Variants in MICALL2 observed in about 807,000 individuals in gnomAD.
MICALL2 encodes the protein MICAL like 2.
In MICALL2, 111 loss-of-function variants were observed where a neutral mutation model predicts 91.1. The ratio of observed to expected loss-of-function variants is 1.22; its 90% CI spans 1.04 to 1.43. The LOEUF is 1.43. Ranked by LOEUF, MICALL2 falls within the 40% of genes most tolerant of loss-of-function variation. The pLI, the probability that MICALL2 is intolerant of heterozygous loss-of-function variation, is 0.00. For missense variants in MICALL2, 1,556 were observed against 1,236.0 expected, an observed-to-expected ratio of 1.26 and a Z score of -3.88; for synonymous variants, 694 against 525.3, an observed-to-expected ratio of 1.32 and a Z score of -4.39.
At chr7:1,438,551 G>T (rs983463888) in intron 10 of MICALL2, 198 bp from the exon 11 acceptor site, 1 of 1,428,018 alleles carries the variant, frequency 7.0e-7, no homozygotes, top group East Asian at 2.5e-5. Context: ...GCCCCACCCT[G>T]CACCCTGCCC....
chr7:1,434,372 G>A lies in MICALL2; in HGVS notation c.*224C>T, dbSNP rs1003451414. The A allele has an allele frequency of 1.8e-5, 12 of 664,174 alleles. No individual in the cohort carries two copies. Among genetic ancestry groups the A allele is most frequent in the South Asian group, 7.6e-5 (5 of 66,022 alleles). 41.1% of individuals were successfully genotyped at this position (664,174 alleles called of 1,614,324 possible). A position where few individuals can be genotyped will look rare whatever the true frequency, so the allele number is the denominator to read the frequency against. On this transcript the variant is annotated 3_prime_UTR_variant, in exon 17 of 17. Transcript: ENST00000297508. ...GGCACGTAGGAGTCCGGGGCCATGT[G>A]GTCGGTTTCTTTATTGAGACCACAG...
intron 6 of MICALL2, among the ~76,000 whole-genome samples, chr7:1,442,984 T>C (rs899836616): frequency 3.9e-5 from 6 of 152,028 alleles, no homozygotes; most frequent in Admixed American, 3.3e-4. Context: ...CCTCCGTGCC[T>C]TCCTGCCTTC....
chr7:1,440,961 G>A (rs1780252450), intron 7 of MICALL2: 1 of 458,106 alleles, frequency 2.2e-6, no homozygotes, highest in Non-Finnish European at 4.1e-6. Flanking sequence ...GTGGCAGGGT[G>A]AGCCCCGTGG....
chr7:1,437,133 G>A (rs1017956087), intron 14 of MICALL2: 2 of 481,286 alleles, frequency 4.2e-6, no homozygotes, highest in African/African-American at 4.1e-5. Context: ...TGTCCCTGCA[G>A]CACAGCAAGG....
chr7:1,450,826 C>T (rs1193051936), intron 1 of MICALL2, among the ~76,000 whole-genome samples: 1 of 152,240 alleles, frequency 6.6e-6, no homozygotes, highest in Non-Finnish European at 1.5e-5. Flanking sequence ...CACACATCAT[C>T]GCTTCTGTTG....
intron 2 of MICALL2, among the ~76,000 whole-genome samples, chr7:1,449,092 C>A (rs939966309): frequency 6.6e-6 from 1 of 152,250 alleles, no homozygotes; most frequent in African/African-American, 2.4e-5. Flanking sequence ...ACAGCTCCCT[C>A]CAGAGGCAGG....
chr7:1,447,833 G>A (rs1780668665), intron 3 of MICALL2, 68 bp from the exon 4 acceptor site: 1 of 1,264,982 alleles, frequency 7.9e-7, no homozygotes, highest in African/African-American at 1.5e-5. Flanking sequence ...TCCCTCCAGA[G>A]GTCCCAGTGC....
rs948937734 is a variant in MICALL2 at position 1,440,509 on chromosome 7, C to T, written c.1805+82G>A. 1.0e-5 allele frequency: 13 copies of T among 1,251,566 alleles called. No individual in the cohort carries two copies. In the African/African-American group the frequency reaches 1.5e-4, roughly 14 times the overall value. 77.5% of individuals were successfully genotyped at this position (1,251,566 alleles called of 1,614,324 possible). ...TGCGTCTATCCCTGGATAGGCGTGT[C>T]AATCGGTCGATTACATACTCACTGC... On this transcript the variant is annotated intron_variant, in intron 8 of 16. Coordinates refer to ENST00000297508, the MANE Select transcript of MICALL2 (RefSeq NM_182924.4).
At chr7:1,436,548 T>C (rs1779972730) in intron 15 of MICALL2, among the ~76,000 whole-genome samples, 194 bp downstream of exon 15, 1 of 81,832 alleles carries the variant, frequency 1.2e-5, no homozygotes. Context: ...CAAGACTCTG[T>C]CTCAAAAAAA....
rs1275378858 is a variant in MICALL2, at chr7:1,451,804, TG to T, written c.144-1517del. 6.6e-6 allele frequency among the ~76,000 whole-genome samples: 1 copy of T among 152,150 alleles called. No individual in the cohort carries two copies. The highest frequency in any genetic ancestry group is 2.4e-5 in the African/African-American group (1 of 41,432). ...GCTGGGCAGGTCTCAAACGGAGAAG[TG>T]GGGGCCGAGACCCCTGTGGCCACGC... On this transcript the variant is annotated intron_variant, in intron 1 of 16. Coordinates refer to ENST00000297508, the MANE Select transcript of MICALL2 (RefSeq NM_182924.4). This position sits in a 1 kb window ranked among gnomAD's most constrained non-coding sequence, Gnocchi z 4.5.
Position 1,452,294 on chromosome 7 carries a change from T to C in MICALL2, c.144-2006A>G, listed in dbSNP as rs1218304579. Among the ~76,000 whole-genome samples the C allele has an allele frequency of 1.3e-5, 2 of 152,178 alleles. No individual in the cohort carries two copies. Among genetic ancestry groups the C allele is most frequent in the South Asian group, 2.1e-4 (1 of 4,834 alleles). Reference sequence around the variant, plus strand: ...CTGCTCGGGCCTGGGCCGATGCCTCTGTCTGCCTGGGCTTGTCCCCCGAGA... The same window carrying C: ...CTGCTCGGGCCTGGGCCGATGCCTCCGTCTGCCTGGGCTTGTCCCCCGAGA... On this transcript the variant is annotated intron_variant, in intron 1 of 16. Coordinates refer to ENST00000297508, the MANE Select transcript of MICALL2 (RefSeq NM_182924.4). The surrounding 1 kb of genome is among the most constrained non-coding windows in gnomAD (Gnocchi z 6.2).
Position 1,436,779 on chromosome 7 carries a change from T to C in MICALL2, c.2554A>G (p.Ser852Gly), listed in dbSNP as rs1450818524. Reference protein sequence around the residue: ...EQYVSTVNDRSDIVDSLDEDR... With the variant: ...EQYVSTVNDRGDIVDSLDEDR... ...TCGTCCAGCGAGTCCACGATGTCAC[T>C]GCGGTCGTTCACGGTGCTCACGTAC... Residue 852 changes from serine to glycine, a missense_variant, in exon 15 of 17, where the codon AGT (serine) becomes GGT (glycine). Transcript: ENST00000297508. 2 of 1,608,816 alleles carry C rather than the reference T, an allele frequency of 1.2e-6. No individual in the cohort carries two copies. The highest frequency in any genetic ancestry group is 1.7e-5 in the Admixed American group (1 of 59,752).
intron 10 of MICALL2, 45 bp downstream of exon 10, chr7:1,438,795 C>A: frequency 6.4e-7 from 1 of 1,557,678 alleles, no homozygotes; most frequent in South Asian, 1.2e-5. Context: ...GAGGAAGGCT[C>A]CCTTCACGTA....
At chr7:1,449,215 C>T (rs1780729470) in intron 2 of MICALL2, among the ~76,000 whole-genome samples, 2 of 152,150 alleles carry the variant, frequency 1.3e-5, no homozygotes, top group Non-Finnish European at 2.9e-5. Flanking sequence ...ACTCGACAGC[C>T]CACGCCGTCC....
Position 1,438,977 on chromosome 7 carries a change from G to A in MICALL2, c.1985C>T (p.Pro662Leu), listed in dbSNP as rs750289278. ...AGGGACGGCCAGTCTCCTGCGGCGG[G>A]GTGGGGAGGGGGACCTGGCTGCCCC... ...PSLPARSPSP[P>L]RRRRLAVPAS... Residue 662 changes from proline to leucine, a missense_variant, in exon 10 of 17, where the codon CCC becomes CTC. Physicochemically the swap from Pro to Leu is moderately conservative, Grantham distance 98. Transcript: ENST00000297508. 8 of 1,596,174 alleles carry A rather than the reference G, an allele frequency of 5.0e-6. No homozygotes were observed. Among genetic ancestry groups the A allele is most frequent in the Non-Finnish European group, 6.8e-6 (8 of 1,177,240 alleles).
At position 1,452,366 on chromosome 7, in the gene MICALL2, C is replaced by A. The variant is rs1198125927; in HGVS notation, c.144-2078G>T. On this transcript the variant is annotated intron_variant, in intron 1 of 16. Coordinates refer to ENST00000297508, the MANE Select transcript of MICALL2 (RefSeq NM_182924.4). This position sits in a 1 kb window ranked among gnomAD's most constrained non-coding sequence, Gnocchi z 6.2. ...GGGTGGCTGTCTATGCCCAGGGACT[C>A]TGCAGCCATGCTGGGCGTCAGCCTC... is the stretch of plus-strand genomic sequence containing the variant. Among the ~76,000 whole-genome samples, 1 of 152,072 alleles carries A rather than the reference C, an allele frequency of 6.6e-6. No individual in the cohort carries two copies. Among genetic ancestry groups the A allele is most frequent in the Non-Finnish European group, 1.5e-5 (1 of 67,988 alleles).
intron 1 of MICALL2, among the ~76,000 whole-genome samples, chr7:1,454,634 G>A (rs953254131): frequency 4.6e-5 from 7 of 152,212 alleles, no homozygotes; most frequent in African/African-American, 1.7e-4. Flanking sequence ...ACAGAGGTCT[G>A]GCTACAGGCC....
chr7:1,435,857 C>T (rs1372364826), intron 15 of MICALL2, among the ~76,000 whole-genome samples: 3 of 152,026 alleles, frequency 2.0e-5, no homozygotes, highest in African/African-American at 4.8e-5. Context: ...CGAGACCATC[C>T]TGGCTAACAT....
rs1211272166 is a variant in MICALL2, at chr7:1,437,841, C to T, written c.2402+49G>A. On this transcript the variant is annotated intron_variant, in intron 13 of 16. Coordinates refer to ENST00000297508, the MANE Select transcript of MICALL2 (RefSeq NM_182924.4). ...TGTCCCCCGCCTGGCCTGCCCAGCC[C>T]GCAACGAGGTCCTGGCCTTCGAGGA... The T allele has an allele frequency of 1.1e-5, 17 of 1,511,486 alleles. No individual in the cohort carries two copies. In the Admixed American group the frequency reaches 1.2e-4, roughly 10 times the overall value. The allele number at this position is 1,511,486 out of a possible 1,614,324, so 93.6% of individuals were successfully genotyped here. A position where few individuals can be genotyped will look rare whatever the true frequency, so the allele number is the denominator to read the frequency against.
Sources: gnomAD v4.1 joint callset for allele counts (sites outside exome capture counted in the v4.1 genomes callset) on GRCh38, gnomAD v4.1.1 for gene constraint, Gnocchi (gnomAD v3.1) non-coding constraint, MANE v1.5 for transcripts, NCBI Gene and HGNC (gene_info 2026-07-23, HGNC 2026-07-21) for gene names.